CERS4: variants seen among roughly 807,000 people sequenced by gnomAD.
CERS4 encodes ceramide synthase 4.
A neutral mutation model predicts 51.8 loss-of-function variants in CERS4; 65 were observed. That is an observed-to-expected ratio of 1.26 (90% CI 1.03 to 1.54). The LOEUF is 1.54. Among genes scored for constraint, CERS4 ranks in the 40% most tolerant of loss-of-function variants. The probability of loss-of-function intolerance (pLI) is 0.00; values close to 1 mark genes in which losing one functional copy is unlikely to be tolerated. For missense variants in CERS4, 563 were observed against 500.4 expected, an observed-to-expected ratio of 1.13 and a Z score of -1.19; for synonymous variants, 228 against 208.4, an observed-to-expected ratio of 1.09 and a Z score of -0.81.
chr19:8,261,856 C>T lies in CERS4; in HGVS notation c.1005+12C>T. ...TGAAGAAGGGCCAGGTATGGCTGGA[C>T]CTCCCCGGGGGCCCCAGCCCTAAGC... On this transcript the variant is annotated intron_variant, in intron 11 of 11. Transcript: ENST00000251363. 1 of 1,614,028 alleles carries T rather than the reference C, an allele frequency of 6.2e-7. No homozygotes were observed.
In CERS4 at chr19:8,261,557, A is replaced by G; in HGVS notation, c.849-131A>G. On this transcript the variant is annotated intron_variant, in intron 10 of 11. Coordinates refer to ENST00000251363, the MANE Select transcript of CERS4 (RefSeq NM_024552.3). ...GCCCAGCTCAAGAGTGTTAGGTATC[A>G]TGGGGTGGGGGGCACTAGGGAGCCA... 4.8e-6 allele frequency: 5 copies of G among 1,031,030 alleles called. No homozygotes were observed. In the South Asian group the frequency reaches 7.3e-5, roughly 15 times the overall value. The allele number at this position is 1,031,030 out of a possible 1,614,324, so 63.9% of individuals were successfully genotyped here. A position where few individuals can be genotyped will look rare whatever the true frequency, so the allele number is the denominator to read the frequency against.
intron 2 of CERS4, among the ~76,000 whole-genome samples, chr19:8,217,056 C>T (rs1967330741): frequency 6.6e-6 from 1 of 152,086 alleles, no homozygotes; most frequent in East Asian, 1.9e-4. Context: ...AATCTGAGGC[C>T]TCCAGAGGGT....
intron 8 of CERS4, 52 bp from the exon 9 acceptor site, chr19:8,256,897 G>A (rs553821277): frequency 6.2e-7 from 1 of 1,612,978 alleles, no homozygotes; most frequent in East Asian, 2.2e-5. Flanking sequence ...ATAGGGTGGG[G>A]GACCTTCCAG....
chr19:8,214,983 G>A (rs964621542), intron 2 of CERS4, among the ~76,000 whole-genome samples: 1 of 70,620 alleles, frequency 1.4e-5, no homozygotes, highest in Non-Finnish European at 3.7e-5. Context: ...AAAAGGAAGA[G>A]GAGGGGGAGG....
intron 2 of CERS4, among the ~76,000 whole-genome samples, chr19:8,213,763 C>T (rs1216285635): frequency 2.0e-5 from 3 of 152,006 alleles, no homozygotes; most frequent in South Asian, 2.1e-4. Flanking sequence ...GTCAGGAGTT[C>T]GAGACCAGCC....
chr19:8,260,176 G>C (rs561265365), intron 10 of CERS4, among the ~76,000 whole-genome samples: 212 of 152,038 alleles, frequency 1.4e-3, no homozygotes, highest in African/African-American at 4.9e-3. Context: ...CTGATTGGGG[G>C]GTAGGAGAAA....
chr19:8,225,305 G>A (rs1967738104), intron 2 of CERS4, among the ~76,000 whole-genome samples: 1 of 152,138 alleles, frequency 6.6e-6, no homozygotes, highest in African/African-American at 2.4e-5. Flanking sequence ...TTGGCCATGG[G>A]AGGCTGCGAC....
At chr19:8,221,007 A>G (rs1967514319) in intron 2 of CERS4, among the ~76,000 whole-genome samples, 5 of 150,636 alleles carry the variant, frequency 3.3e-5, no homozygotes, top group Admixed American at 2.6e-4. Flanking sequence ...TATTTTTTTT[A>G]GTAGAGACGG....
rs751478766 is a variant in CERS4, at chr19:8,255,996, G to A, written c.468+117G>A. 248 of 1,199,744 alleles carry A rather than the reference G, an allele frequency of 2.1e-4. 1 individual carries two copies. The highest frequency in any genetic ancestry group is 7.8e-5 in the Non-Finnish European group (65 of 830,462). The allele number at this position is 1,199,744 out of a possible 1,614,324, so 74.3% of individuals were successfully genotyped here. On this transcript the variant is annotated intron_variant, in intron 6 of 11. Coordinates refer to ENST00000251363, the MANE Select transcript of CERS4 (RefSeq NM_024552.3). The stretch of plus-strand genomic sequence containing the variant: ...AGAGGAAAACATGCAGCTGAGGAGA[G>A]AGCGAGCTTTGCAAGATGGTGGTGA...
chr19:8,252,247 G>A (rs1423987999), intron 3 of CERS4, among the ~76,000 whole-genome samples: 1 of 151,844 alleles, frequency 6.6e-6, no homozygotes, highest in Non-Finnish European at 1.5e-5. Context: ...GCACATGCCT[G>A]TAGTCCCAGC....
intron 2 of CERS4, among the ~76,000 whole-genome samples, chr19:8,228,259 A>G (rs969728902): frequency 2.6e-5 from 4 of 152,174 alleles, no homozygotes; most frequent in Non-Finnish European, 1.5e-5. Flanking sequence ...ACATGAAAGA[A>G]TTCTGGAGCT....
At chr19:8,228,559 C>G (rs1300148332) in intron 2 of CERS4, among the ~76,000 whole-genome samples, 1 of 152,018 alleles carries the variant, frequency 6.6e-6, no homozygotes, top group Non-Finnish European at 1.5e-5. Context: ...CCTGTAATCC[C>G]AGCTACGCAG....
intron 2 of CERS4, among the ~76,000 whole-genome samples, chr19:8,242,508 C>T (rs1345522290): frequency 6.6e-6 from 1 of 152,138 alleles, no homozygotes; most frequent in Non-Finnish European, 1.5e-5. Flanking sequence ...CTGGCCAGCT[C>T]CTGACATCAC....
At chr19:8,237,027 A>AAAC (rs56998288) in intron 2 of CERS4, among the ~76,000 whole-genome samples, 18 of 147,828 alleles carry the variant, frequency 1.2e-4, no homozygotes, top group South Asian at 6.4e-4. Flanking sequence ...AAAAAAAAAA[A>AAAC]CGAAAAGGAG....
intron 2 of CERS4, among the ~76,000 whole-genome samples, chr19:8,241,802 C>T (rs1172504266): frequency 6.6e-6 from 1 of 152,124 alleles, no homozygotes; most frequent in African/African-American, 2.4e-5. Context: ...TGCCCGCCTG[C>T]CCTGAGCCTC....
At chr19:8,214,935 AGACGAGGGG>A (rs2145158889) in intron 2 of CERS4, among the ~76,000 whole-genome samples, 1 of 129,116 alleles carries the variant, frequency 7.7e-6, no homozygotes, top group African/African-American at 2.8e-5. Context: ...AAAGGGAGGA[AGACGAGGGG>A]GAGGAGAGGG....
chr19:8,254,580 G>A lies in CERS4; in HGVS notation c.255G>A (p.Glu85=). 3 of 1,612,822 alleles carry A rather than the reference G, an allele frequency of 1.9e-6. No homozygotes were observed. Among genetic ancestry groups the A allele is most frequent in the Non-Finnish European group, 1.7e-6 (2 of 1,179,652 alleles). Reference sequence around the variant, plus strand: ...AAGTGAAGCCCAACGCCACGCTGGAGAAACACTTCCTCACGGAAGGGCACA... The same window carrying A: ...AAGTGAAGCCCAACGCCACGCTGGAAAAACACTTCCTCACGGAAGGGCACA... ...RRQVKPNATL[E]KHFLTEGHRP... Residue 85 remains glutamate (E), a synonymous_variant, in exon 4 of 12, where the codon GAG becomes GAA. Transcript: ENST00000251363.
chr19:8,259,979 G>A (rs1969594526), intron 10 of CERS4, among the ~76,000 whole-genome samples: 2 of 152,024 alleles, frequency 1.3e-5, no homozygotes, highest in African/African-American at 4.8e-5. Flanking sequence ...ACCTGTCTTG[G>A]TTTCAAGGCC....
chr19:8,241,958 C>G (rs1284259914), intron 2 of CERS4, among the ~76,000 whole-genome samples: 1 of 152,128 alleles, frequency 6.6e-6, no homozygotes, highest in East Asian at 1.9e-4. Context: ...GGAACACATC[C>G]CTCAGCCTCA....
Sources: allele counts gnomAD v4.1 joint callset (sites outside exome capture counted in the v4.1 genomes callset), GRCh38; gene constraint gnomAD v4.1.1; transcripts MANE v1.5; gene names NCBI Gene and HGNC (gene_info 2026-07-23, HGNC 2026-07-21).